STAU2: variants seen among roughly 807,000 people sequenced by gnomAD.
STAU2 encodes staufen double-stranded RNA binding protein 2.
STAU2 carries 20 observed loss-of-function variants against 65.9 expected under a neutral mutation model. The ratio of observed to expected loss-of-function variants is 0.30; its 90% CI spans 0.21 to 0.44. The LOEUF (loss-of-function observed/expected upper bound fraction) is 0.44. Ranked by LOEUF, STAU2 falls within the 20% of genes least tolerant of loss-of-function variation. STAU2 has a pLI of 1.00. For synonymous variants in STAU2, 232 were observed against 233.9 expected (o/e 0.99, Z 0.07); for missense variants, 558 against 683.9 (o/e 0.82, Z 2.05).
At chr8:73,503,392 G>C (rs79015988) in intron 13 of STAU2, among the ~76,000 whole-genome samples, 4,345 of 152,114 alleles carry the variant, frequency 0.029, 228 homozygotes, top group Admixed American at 0.13. Flanking sequence ...ATTCTCTGTT[G>C]GGAGTTCTAT....
intron 9 of STAU2, among the ~76,000 whole-genome samples, chr8:73,608,341 C>T (rs1251536809): frequency 6.6e-6 from 1 of 152,138 alleles, no homozygotes; most frequent in African/African-American, 2.4e-5. Context: ...AGCACAGTGG[C>T]TCACTCCTGT....
chr8:73,431,718 A>G (rs1232887369), intron 13 of STAU2, among the ~76,000 whole-genome samples: 1 of 152,170 alleles, frequency 6.6e-6, no homozygotes, highest in Non-Finnish European at 1.5e-5. Context: ...GATACTTTTC[A>G]TGCCTATTTG....
chr8:73,536,317 TG>T (rs1358380415), intron 13 of STAU2, among the ~76,000 whole-genome samples: 29 of 152,078 alleles, frequency 1.9e-4, no homozygotes, highest in Non-Finnish European at 4.3e-4. Flanking sequence ...GCCAGCAACT[TG>T]AGAATGCCAA....
chr8:73,634,903 T>C (rs769700929), intron 6 of STAU2, among the ~76,000 whole-genome samples: 9 of 152,234 alleles, frequency 5.9e-5, no homozygotes, highest in African/African-American at 9.6e-5. Context: ...ATATAAGCAC[T>C]TTTCACTTTC....
chr8:73,425,027 C>A (rs1026430745), intron 13 of STAU2, among the ~76,000 whole-genome samples: 1 of 152,112 alleles, frequency 6.6e-6, no homozygotes, highest in Non-Finnish European at 1.5e-5. Flanking sequence ...TCATGCTGGA[C>A]AACAGCCAGG....
intron 13 of STAU2, among the ~76,000 whole-genome samples, chr8:73,514,791 C>CT (rs1822615484): frequency 2.0e-5 from 3 of 151,636 alleles, no homozygotes; most frequent in Admixed American, 6.6e-5. Context: ...CTTTTTTTTC[C>CT]TTTTTAAGGA....
At chr8:73,667,519 C>G (rs1817327193) in intron 6 of STAU2, among the ~76,000 whole-genome samples, 1 of 152,188 alleles carries the variant, frequency 6.6e-6, no homozygotes, top group Admixed American at 6.5e-5. Flanking sequence ...CCCTCCTCAC[C>G]TGGCTAAATC....
chr8:73,552,410 G>T, intron 12 of STAU2, 91 bp from the exon 13 acceptor site: 1 of 1,176,114 alleles, frequency 8.5e-7, no homozygotes, highest in Non-Finnish European at 1.2e-6. Flanking sequence ...ACTTGGTGTA[G>T]TAACAAAGAA....
intron 3 of STAU2, among the ~76,000 whole-genome samples, chr8:73,731,804 T>C (rs879630792): frequency 2.0e-5 from 3 of 151,976 alleles, no homozygotes; most frequent in Non-Finnish European, 2.9e-5. Flanking sequence ...CCAGGTGCGG[T>C]GGTGCACGTC....
At chr8:73,548,486 C>T (rs1807092836) in intron 13 of STAU2, among the ~76,000 whole-genome samples, 1 of 152,004 alleles carries the variant, frequency 6.6e-6, no homozygotes, top group African/African-American at 2.4e-5. Context: ...TAAAAACCTG[C>T]TATCATCATA....
chr8:73,578,547 GC>G, intron 12 of STAU2, among the ~76,000 whole-genome samples: 1 of 152,150 alleles, frequency 6.6e-6, no homozygotes. Flanking sequence ...CAGAGGAGAA[GC>G]AGCAATTCTA....
chr8:73,720,444 T>G (rs186743182), intron 3 of STAU2, among the ~76,000 whole-genome samples: 1 of 151,708 alleles, frequency 6.6e-6, no homozygotes, highest in Admixed American at 6.6e-5. Context: ...TAAATACTGT[T>G]TTAGCAATAT....
At chr8:73,543,743 A>G (rs949432523) in intron 13 of STAU2, among the ~76,000 whole-genome samples, 1 of 152,146 alleles carries the variant, frequency 6.6e-6, no homozygotes, top group African/African-American at 2.4e-5. Context: ...TGCTCAATAC[A>G]CACTGGTTGA....
intron 3 of STAU2, among the ~76,000 whole-genome samples, chr8:73,712,508 T>C (rs1347061026): frequency 6.6e-6 from 1 of 152,210 alleles, no homozygotes; most frequent in African/African-American, 2.4e-5. Flanking sequence ...TAAAAATTCA[T>C]TATTATTCTG....
chr8:73,634,300 TG>T (rs1814332875), intron 6 of STAU2, among the ~76,000 whole-genome samples: 1 of 151,880 alleles, frequency 6.6e-6, no homozygotes, highest in African/African-American at 2.4e-5. Flanking sequence ...TTGGCCGGGG[TG>T]GGCGGATCAC....
intron 6 of STAU2, among the ~76,000 whole-genome samples, chr8:73,669,940 G>A (rs989240514): frequency 1.2e-4 from 18 of 152,036 alleles, no homozygotes; most frequent in African/African-American, 4.3e-4. Flanking sequence ...AAGGACCACA[G>A]ATACCAAAAT....
chr8:73,679,021 C>T (rs1397524753), intron 5 of STAU2, among the ~76,000 whole-genome samples: 1 of 152,096 alleles, frequency 6.6e-6, no homozygotes, highest in Non-Finnish European at 1.5e-5. Context: ...TGTTGACAGG[C>T]ACAAAATCTT....
At chr8:73,738,031 G>A (rs1806566469) in intron 3 of STAU2, among the ~76,000 whole-genome samples, 1 of 152,164 alleles carries the variant, frequency 6.6e-6, no homozygotes, top group Non-Finnish European at 1.5e-5. Flanking sequence ...AAGTCCTAAA[G>A]GGATGTGACA....
intron 3 of STAU2, among the ~76,000 whole-genome samples, chr8:73,725,341 A>G (rs1357032333): frequency 1.3e-5 from 2 of 152,236 alleles, no homozygotes; most frequent in African/African-American, 4.8e-5. Flanking sequence ...TACACAGCCT[A>G]CCTTCAAATA....
Sources: gnomAD v4.1 joint callset for allele counts (sites outside exome capture counted in the v4.1 genomes callset) on GRCh38, gnomAD v4.1.1 for gene constraint, MANE v1.5 for transcripts, NCBI Gene and HGNC (gene_info 2026-07-23, HGNC 2026-07-21) for gene names.